The following LMCD1 variants were observed in gnomAD, a reference collection of about 807,000 sequenced individuals.
The protein encoded by LMCD1 is LIM and cysteine-rich domains protein 1.
In LMCD1, 32 loss-of-function variants were observed where a neutral mutation model predicts 42.7. That is an observed-to-expected ratio of 0.75 (90% CI 0.57 to 1.01). The LOEUF (loss-of-function observed/expected upper bound fraction) is 1.01, where lower values mean the gene tolerates loss of function less well. Ranked by LOEUF, LMCD1 falls within the 50% of genes least tolerant of loss-of-function variation. LMCD1 has a pLI of 0.00. For missense variants in LMCD1, 458 were observed against 483.1 expected (o/e 0.95, Z 0.49); for synonymous variants, 178 against 184.9 (o/e 0.96, Z 0.30).
At chr3:8,538,097 C>A (rs1157063858) in intron 3 of LMCD1, among the ~76,000 whole-genome samples, 1 of 152,168 alleles carries the variant, frequency 6.6e-6, no homozygotes, top group Non-Finnish European at 1.5e-5. Context: ...TCATCCCAGA[C>A]CATTGAGTCA....
chr3:8,547,939 C>T (rs868251405), intron 3 of LMCD1, among the ~76,000 whole-genome samples: 32 of 151,960 alleles, frequency 2.1e-4, no homozygotes, highest in Admixed American at 7.9e-4. Context: ...TAGCCTGCTA[C>T]GCATCTAGGC....
chr3:8,511,908 C>T lies in LMCD1; in HGVS notation c.42+9928C>T, dbSNP rs576710478. ...AGCCCTGCAATGGAGTTCCAGCAAA[C>T]TCCCCCAAGTTGAGTTTGAATTTTT... On this transcript the variant is annotated intron_variant, in intron 1 of 5. Coordinates refer to ENST00000157600, the MANE Select transcript of LMCD1 (RefSeq NM_014583.4). 6.6e-5 allele frequency among the ~76,000 whole-genome samples: 10 copies of T among 152,284 alleles called. No individual in the cohort carries two copies. The South Asian group carries it at 2.1e-3, about 32-fold the overall frequency.
chr3:8,535,158 C>T (rs967676927), intron 2 of LMCD1, among the ~76,000 whole-genome samples: 1 of 152,154 alleles, frequency 6.6e-6, no homozygotes, highest in Non-Finnish European at 1.5e-5. Flanking sequence ...CTTCTCCTTC[C>T]ACTTCCAGCC....
intron 2 of LMCD1, among the ~76,000 whole-genome samples, chr3:8,536,121 G>C (rs1694503392): frequency 6.6e-6 from 1 of 152,208 alleles, no homozygotes; most frequent in Non-Finnish European, 1.5e-5. Flanking sequence ...GGGAAAAGGA[G>C]GGTTCCCTCA....
chr3:8,533,501 A>G (rs897848235), intron 2 of LMCD1, among the ~76,000 whole-genome samples: 1 of 152,058 alleles, frequency 6.6e-6, no homozygotes, highest in Non-Finnish European at 1.5e-5. Flanking sequence ...CTGGGAGAGG[A>G]AAGTTAAGTT....
At position 8,551,390 on chromosome 3, in the gene LMCD1, T is replaced by A; in HGVS notation, c.723+2487T>A. 3.2e-6 allele frequency: 3 copies of A among 948,348 alleles called. No individual in the cohort carries two copies. The South Asian group carries it at 1.5e-4, about 47-fold the overall frequency. The allele number at this position is 948,348 out of a possible 1,614,324, so 58.7% of individuals were successfully genotyped here. A position where few individuals can be genotyped will look rare whatever the true frequency, so the allele number is the denominator to read the frequency against. On this transcript the variant is annotated intron_variant, in intron 4 of 5. Transcript: ENST00000157600. The stretch of plus-strand genomic sequence containing the variant: ...TAAGCCCCTGCTCTGTGCCAAACAC[T>A]ATGCTCACACTGTCAGGGTCTATCT...
At chr3:8,519,050 G>A (rs1357980173) in intron 1 of LMCD1, among the ~76,000 whole-genome samples, 1 of 152,168 alleles carries the variant, frequency 6.6e-6, no homozygotes, top group Non-Finnish European at 1.5e-5. Context: ...AATGTTTATT[G>A]AGGAGCCACT....
At chr3:8,563,701 G>T (rs1695079702) in intron 4 of LMCD1, among the ~76,000 whole-genome samples, 1 of 152,200 alleles carries the variant, frequency 6.6e-6, no homozygotes, top group African/African-American at 2.4e-5. Flanking sequence ...AGGGCTTGGT[G>T]ACTTCCTTCC....
At chr3:8,508,924 G>A (rs558606319) in intron 1 of LMCD1, among the ~76,000 whole-genome samples, 3 of 152,264 alleles carry the variant, frequency 2.0e-5, no homozygotes, top group Admixed American at 6.5e-5. Context: ...AAGCCACTTC[G>A]AGGAGCCGTT....
chr3:8,528,464 G>C (rs1177903317), intron 1 of LMCD1, among the ~76,000 whole-genome samples: 1 of 152,100 alleles, frequency 6.6e-6, no homozygotes, highest in African/African-American at 2.4e-5. Context: ...CCAGAGTGCT[G>C]GGATTACAGG....
intron 5 of LMCD1, 21 bp from the exon 6 acceptor site, chr3:8,567,419 T>G (rs2125042079): frequency 1.2e-6 from 2 of 1,611,644 alleles, no homozygotes; most frequent in Non-Finnish European, 1.7e-6. Context: ...AGTCATGCAT[T>G]TCTCCTGCTC....
chr3:8,554,904 A>C (rs1694903450), intron 4 of LMCD1, among the ~76,000 whole-genome samples: 2 of 152,142 alleles, frequency 1.3e-5, no homozygotes, highest in Non-Finnish European at 2.9e-5. Flanking sequence ...CATAGCCTTT[A>C]ATGTGATCTC....
chr3:8,555,715 G>GTT (rs1694923127), intron 4 of LMCD1, among the ~76,000 whole-genome samples: 1 of 95,702 alleles, frequency 1.0e-5, no homozygotes. Context: ...CCTTCAACGA[G>GTT]CTTTTTTTTT....
chr3:8,544,465 G>A (rs1694696530), intron 3 of LMCD1, among the ~76,000 whole-genome samples: 1 of 152,084 alleles, frequency 6.6e-6, no homozygotes. Flanking sequence ...GTGTCCTCTG[G>A]GATTTAGGGC....
intron 2 of LMCD1, among the ~76,000 whole-genome samples, chr3:8,535,284 T>A (rs1447727706): frequency 6.6e-6 from 1 of 152,208 alleles, no homozygotes; most frequent in Non-Finnish European, 1.5e-5. Flanking sequence ...GTGAATAAAA[T>A]GCAAAACAAA....
In LMCD1 at chr3:8,532,752, C is replaced by G. The variant is rs765817278; in HGVS notation, c.58C>G (p.Leu20Val). 1 of 1,613,524 alleles carries G rather than the reference C, an allele frequency of 6.2e-7. No homozygotes were observed. The highest frequency in any genetic ancestry group is 8.5e-7 in the Non-Finnish European group (1 of 1,179,756). Reference protein sequence around the residue: ...PGVKKMSLGQLQSARGVACLG... With the variant: ...PGVKKMSLGQVQSARGVACLG... Reference sequence around the variant, plus strand: ...CCTTTTCCAGATGTCCCTGGGCCAGCTGCAGTCAGCAAGAGGTGTGGCATG... The same window carrying G: ...CCTTTTCCAGATGTCCCTGGGCCAGGTGCAGTCAGCAAGAGGTGTGGCATG... Residue 20 changes from leucine to valine, a missense_variant, in exon 2 of 6, where the codon CTG becomes GTG. By Grantham distance (32) the Leu-to-Val change is conservative (BLOSUM62 1). Transcript: ENST00000157600.
intron 1 of LMCD1, among the ~76,000 whole-genome samples, chr3:8,510,914 G>A (rs913420431): frequency 6.6e-6 from 1 of 152,198 alleles, no homozygotes; most frequent in African/African-American, 2.4e-5. Flanking sequence ...ATCAAGCTGA[G>A]GCATTAGCAG....
At position 8,571,205 on chromosome 3, in the gene LMCD1, C is replaced by T. The variant is rs1211547126; in HGVS notation, c.*3607C>T. The T allele has an allele frequency of 6.6e-6, 1 of 152,128 alleles. No individual in the cohort carries two copies. Among genetic ancestry groups the T allele is most frequent in the Non-Finnish European group, 1.5e-5 (1 of 68,034 alleles). The allele number at this position is 152,128 out of a possible 1,614,324, so 9.4% of individuals were successfully genotyped here. On this transcript the variant is annotated 3_prime_UTR_variant, in exon 6 of 6. Coordinates refer to ENST00000157600, the MANE Select transcript of LMCD1 (RefSeq NM_014583.4). ...AGGCTTACAGTAATTCTTCCAAGGCCTTTATTGTGCTATAATTATTTATTC... is the reference window on the plus strand; with the variant it reads ...AGGCTTACAGTAATTCTTCCAAGGCTTTTATTGTGCTATAATTATTTATTC...
At chr3:8,543,671 T>A (rs987169230) in intron 3 of LMCD1, among the ~76,000 whole-genome samples, 1 of 152,178 alleles carries the variant, frequency 6.6e-6, no homozygotes, top group Non-Finnish European at 1.5e-5. Context: ...TTTGTAGAGA[T>A]GAGGTCTCTC....
Sources: allele counts gnomAD v4.1 joint callset (sites outside exome capture counted in the v4.1 genomes callset), GRCh38; gene constraint gnomAD v4.1.1; transcripts MANE v1.5; gene names NCBI Gene and HGNC (gene_info 2026-07-23, HGNC 2026-07-21).